Variants in UGT1A9 observed in about 807,000 individuals in gnomAD.
UGT1A9 encodes the protein UDP-glucuronosyltransferase 1A9.
UGT1A9 carries 35 observed loss-of-function variants against 45.0 expected under a neutral mutation model. That is an observed-to-expected ratio of 0.78 (90% CI 0.59 to 1.03). UGT1A9 has a LOEUF of 1.03. Ranked by LOEUF, UGT1A9 falls within the 50% of genes least tolerant of loss-of-function variation. The pLI is 0.00. For missense variants in UGT1A9, 687 were observed against 666.6 expected (o/e 1.03, Z -0.34); for synonymous variants, 278 against 250.6 (o/e 1.11, Z -1.03).
At chr2:233,742,623 T>C (rs1436879759) in intron 1 of UGT1A9, 3 of 151,992 alleles carry the variant, frequency 2.0e-5, no homozygotes, top group Non-Finnish European at 2.9e-5. Flanking sequence ...ACGTTCAGGC[T>C]GAAGACAGTC....
intron 1 of UGT1A9, chr2:233,691,760 C>A: frequency 2.3e-6 from 1 of 437,874 alleles, no homozygotes; most frequent in Non-Finnish European, 3.0e-6. Flanking sequence ...CTGACTCCTG[C>A]TCTAGGATTC....
chr2:233,718,388 G>T (rs189947965), intron 1 of UGT1A9, among the ~76,000 whole-genome samples: 20 of 152,300 alleles, frequency 1.3e-4, no homozygotes, highest in African/African-American at 4.6e-4. Context: ...GAGTTTCAAG[G>T]GTTAGCAAAT....
At chr2:233,701,716 A>G (rs1379705322) in intron 1 of UGT1A9, among the ~76,000 whole-genome samples, 3 of 152,238 alleles carry the variant, frequency 2.0e-5, no homozygotes, top group Admixed American at 2.0e-4. Context: ...AACTACATGG[A>G]AACTGAACAA....
intron 1 of UGT1A9, among the ~76,000 whole-genome samples, chr2:233,705,136 GAAAA>G (rs11336071): frequency 7.0e-6 from 1 of 142,642 alleles, no homozygotes; most frequent in African/African-American, 2.6e-5. Flanking sequence ...GACTTCGTCT[GAAAA>G]AAAAAAAAAG....
intron 1 of UGT1A9, chr2:233,754,831 A>G (rs1459496565): frequency 1.5e-6 from 2 of 1,342,814 alleles, no homozygotes; most frequent in Non-Finnish European, 2.0e-6. Flanking sequence ...AAAGCTGGAA[A>G]TTCACTGAAG....
chr2:233,710,222 T>A (rs1194275702), intron 1 of UGT1A9, among the ~76,000 whole-genome samples: 1 of 152,250 alleles, frequency 6.6e-6, no homozygotes. Flanking sequence ...TGAATAAAGC[T>A]GCTATGACTA....
Position 233,767,861 on chromosome 2 carries a change from T to C in UGT1A9, c.1000T>C (p.Tyr334His). The C allele has an allele frequency of 1.9e-6, 3 of 1,614,194 alleles. No homozygotes were observed. In the South Asian group the frequency reaches 3.3e-5, roughly 18 times the overall value. ...TTGCCCCTCCCAGGTCCTGTGGCGG[T>C]ACACTGGAACCCGACCATCGAATCT... is the stretch of plus-strand genomic sequence containing the variant. ...GKIPQTVLWR[Y>H]TGTRPSNLAN... The change falls in exon 3 of 5, where the codon TAC becomes CAC. Residue 334 changes from tyrosine to histidine, a missense_variant. Transcript: ENST00000354728.
At chr2:233,729,021 C>T (rs575781595) in intron 1 of UGT1A9, 130 of 1,593,082 alleles carry the variant, frequency 8.2e-5, no homozygotes, top group Non-Finnish European at 1.0e-4. Context: ...TCCAATTACA[C>T]GTTGATTTGC....
chr2:233,712,023 T>C lies in UGT1A9; in HGVS notation c.855+39234T>C, dbSNP rs2076210876. 2.6e-5 allele frequency among the ~76,000 whole-genome samples: 4 copies of C among 152,212 alleles called. No homozygotes were observed. The South Asian group carries it at 8.3e-4, about 32-fold the overall frequency. ...TGGAGGAACCATTCTTATCAGAACT[T>C]GGTGCTGGATTGACTTGGAAAAAAG... On this transcript the variant is annotated intron_variant, in intron 1 of 4. Coordinates refer to ENST00000354728, the MANE Select transcript of UGT1A9 (RefSeq NM_021027.3).
Position 233,672,681 on chromosome 2 carries a change from A to T in UGT1A9, c.747A>T (p.Ser249=), listed in dbSNP as rs769392211. ...AGTATGATCTCTACAGCCACACATC[A>T]ATTTGGTTGTTGCGAACGGACTTTG... The part of the protein sequence containing the change: ...VTEYDLYSHT[S]IWLLRTDFVL... The change falls in exon 1 of 5, where the codon TCA becomes TCT. Residue 249 remains serine, a synonymous_variant. Coordinates refer to ENST00000354728, the MANE Select transcript of UGT1A9 (RefSeq NM_021027.3). The T allele has an allele frequency of 6.2e-7, 1 of 1,613,718 alleles. No individual in the cohort carries two copies. Among genetic ancestry groups the T allele is most frequent in the African/African-American group, 1.3e-5 (1 of 74,880 alleles).
chr2:233,767,319 T>G (rs928023163), intron 2 of UGT1A9, among the ~76,000 whole-genome samples, 154 bp downstream of exon 2: 1 of 152,210 alleles, frequency 6.6e-6, no homozygotes, highest in African/African-American at 2.4e-5. Flanking sequence ...TTTTTGTTGT[T>G]GTGGTTGTTG....
intron 1 of UGT1A9, chr2:233,693,778 C>G: frequency 6.2e-7 from 1 of 1,614,186 alleles, no homozygotes; most frequent in Non-Finnish European, 8.5e-7. Flanking sequence ...TAAGATATGA[C>G]TTTGTGCTTG....
At chr2:233,763,407 T>C (rs888338345) in intron 1 of UGT1A9, among the ~76,000 whole-genome samples, 1 of 152,240 alleles carries the variant, frequency 6.6e-6, no homozygotes, top group African/African-American at 2.4e-5. Flanking sequence ...GCACTGGTAT[T>C]TTTAATCCAG....
chr2:233,749,635 C>T lies in UGT1A9; in HGVS notation c.856-17399C>T, dbSNP rs755546951. ...CATGATTTGGCTCTGTATCCCCCAC[C>T]AAATCTCATCTTGAATTGTAATCCC... is the stretch of plus-strand genomic sequence containing the variant. On this transcript the variant is annotated intron_variant, in intron 1 of 4. Coordinates refer to ENST00000354728, the MANE Select transcript of UGT1A9 (RefSeq NM_021027.3). 1.1e-4 allele frequency among the ~76,000 whole-genome samples: 17 copies of T among 151,816 alleles called. 3 individuals are homozygous for T. Among genetic ancestry groups the T allele is most frequent in the Admixed American group, 3.3e-4 (5 of 15,276 alleles).
intron 1 of UGT1A9, among the ~76,000 whole-genome samples, chr2:233,705,164 G>T (rs1459236514): frequency 1.3e-5 from 2 of 151,464 alleles, no homozygotes; most frequent in South Asian, 2.1e-4. Flanking sequence ...GAGAGAGAGA[G>T]AATAAAGGGG....
intron 1 of UGT1A9, among the ~76,000 whole-genome samples, chr2:233,732,581 G>T (rs2078286817): frequency 6.6e-6 from 1 of 152,170 alleles, no homozygotes; most frequent in African/African-American, 2.4e-5. Flanking sequence ...CCCATTGCTT[G>T]TTTTTGTCAG....
At chr2:233,690,604 G>C (rs756529632) in intron 1 of UGT1A9, 1 of 1,289,060 alleles carries the variant, frequency 7.8e-7, no homozygotes. Flanking sequence ...AAAAAAATCG[G>C]CCTTTGCCTG....
At chr2:233,726,774 A>G (rs1289365787) in intron 1 of UGT1A9, among the ~76,000 whole-genome samples, 2 of 152,220 alleles carry the variant, frequency 1.3e-5, no homozygotes, top group African/African-American at 4.8e-5. Flanking sequence ...CTAAGCTTAA[A>G]GTGAAACCCA....
At chr2:233,698,178 TATG>T (rs768933857) in intron 1 of UGT1A9, among the ~76,000 whole-genome samples, 4 of 152,222 alleles carry the variant, frequency 2.6e-5, no homozygotes, top group Non-Finnish European at 5.9e-5. Flanking sequence ...CATTCTGTAT[TATG>T]ATATGTAATT....
Sources: allele counts gnomAD v4.1 joint callset (sites outside exome capture counted in the v4.1 genomes callset), GRCh38; gene constraint gnomAD v4.1.1; transcripts MANE v1.5; gene names NCBI Gene and HGNC (gene_info 2026-07-23, HGNC 2026-07-21).